RHOU: variants seen among roughly 807,000 people sequenced by gnomAD.
The protein encoded by RHOU is ras homolog family member U, also known as rho-related GTP-binding protein RhoU.
A neutral mutation model predicts 12.6 loss-of-function variants in RHOU; 8 were observed. The observed-to-expected ratio is 0.64, with a 90% CI of 0.37 to 1.15. The LOEUF (loss-of-function observed/expected upper bound fraction) is 1.15. Among genes scored for constraint, RHOU ranks in the 50% most tolerant of loss-of-function variants. RHOU has a pLI of 0.01. For synonymous variants in RHOU, 161 were observed against 147.4 expected (o/e 1.09, Z -0.67); for missense variants, 258 against 347.0 (o/e 0.74, Z 2.04).
chr1:228,712,576 C>T, the RHOU span, among the ~76,000 whole-genome samples: 82 of 147,142 alleles, frequency 5.6e-4, no homozygotes, highest in East Asian at 0.014. Flanking sequence ...AACCAAAAAC[C>T]GCATATTCTC....
At chr1:228,647,115 G>A in the RHOU span, among the ~76,000 whole-genome samples, 360 of 152,334 alleles carry the variant, frequency 2.4e-3, 3 homozygotes, top group Middle Eastern at 0.024. Flanking sequence ...CCCCTTTTGA[G>A]CAGTCCGGAA....
At chr1:228,675,094 GA>G in the RHOU span, among the ~76,000 whole-genome samples, 5 of 152,204 alleles carry the variant, frequency 3.3e-5, no homozygotes, top group Middle Eastern at 3.4e-3. Context: ...AGTTCACAAG[GA>G]TTGATATGCT....
the RHOU span, among the ~76,000 whole-genome samples, chr1:228,704,894 C>T: frequency 6.6e-6 from 1 of 151,792 alleles, no homozygotes; most frequent in African/African-American, 2.4e-5. Flanking sequence ...CCTTCACCTC[C>T]TGGGTTCGTG....
the RHOU span, chr1:228,650,717 C>T: frequency 2.1e-6 from 1 of 470,368 alleles, no homozygotes; most frequent in South Asian, 1.6e-5. Flanking sequence ...GCTAGTAGTG[C>T]TAAACATCAA....
At chr1:228,705,730 C>T in the RHOU span, among the ~76,000 whole-genome samples, 18 of 152,116 alleles carry the variant, frequency 1.2e-4, no homozygotes, top group African/African-American at 4.3e-4. Context: ...TCATGGCTTC[C>T]AAACCCAGTT....
At chr1:228,700,662 C>A in the RHOU span, among the ~76,000 whole-genome samples, 2 of 151,944 alleles carry the variant, frequency 1.3e-5, no homozygotes, top group African/African-American at 4.8e-5. Context: ...ATAAAATATA[C>A]CAAGACATGT....
the RHOU span, among the ~76,000 whole-genome samples, chr1:228,664,427 C>A: frequency 8.5e-5 from 13 of 152,220 alleles, no homozygotes; most frequent in African/African-American, 3.1e-4. Context: ...ATCAACAAAT[C>A]ATGTTTGTAC....
the RHOU span, among the ~76,000 whole-genome samples, chr1:228,678,030 G>A: frequency 3.9e-5 from 6 of 152,124 alleles, no homozygotes; most frequent in East Asian, 3.8e-4. Context: ...TTTCTGACTC[G>A]GGGCATGTGA....
intron 2 of RHOU, among the ~76,000 whole-genome samples, chr1:228,742,193 A>G (rs1309343070): frequency 6.6e-6 from 1 of 152,248 alleles, no homozygotes; most frequent in Non-Finnish European, 1.5e-5. Context: ...ATTTTTCTAC[A>G]AAAGAGTTGA....
At chr1:228,710,553 T>C in the RHOU span, among the ~76,000 whole-genome samples, 2 of 151,916 alleles carry the variant, frequency 1.3e-5, no homozygotes, top group African/African-American at 4.8e-5. Flanking sequence ...GAACCAAAGA[T>C]AAAAACCACA....
At chr1:228,683,805 G>A in the RHOU span, among the ~76,000 whole-genome samples, 1 of 152,202 alleles carries the variant, frequency 6.6e-6, no homozygotes, top group Non-Finnish European at 1.5e-5. Flanking sequence ...GGTGGGGGTG[G>A]GCAAGATGGA....
chr1:228,656,875 A>AAAAGATGGAGATTGGCAG, the RHOU span, among the ~76,000 whole-genome samples: 1 of 152,364 alleles, frequency 6.6e-6, no homozygotes, highest in East Asian at 1.9e-4. Context: ...CTCTTCAGTC[A>AAAAGATGGAGATTGGCAG]AAAGATGGAG....
chr1:228,647,441 GA>G, the RHOU span, among the ~76,000 whole-genome samples: 1 of 152,220 alleles, frequency 6.6e-6, no homozygotes, highest in South Asian at 2.1e-4. Flanking sequence ...GGGGCAATAG[GA>G]ATCCGGGTGC....
At chr1:228,682,803 G>A in the RHOU span, among the ~76,000 whole-genome samples, 3 of 152,258 alleles carry the variant, frequency 2.0e-5, no homozygotes, top group South Asian at 2.1e-4. Flanking sequence ...ATAAATATCA[G>A]TAAATTTACT....
chr1:228,732,205 G>A (rs116743514), upstream of RHOU, among the ~76,000 whole-genome samples: 4,517 of 152,136 alleles, frequency 0.03, 186 homozygotes, highest in African/African-American at 0.1. Flanking sequence ...CCTACTACTT[G>A]CCCCACGTGC....
At chr1:228,691,060 A>G in the RHOU span, among the ~76,000 whole-genome samples, 1 of 151,940 alleles carries the variant, frequency 6.6e-6, no homozygotes, top group Non-Finnish European at 1.5e-5. Context: ...AAGAAGCTAA[A>G]TTAACTGCGA....
At chr1:228,655,320 T>C in the RHOU span, among the ~76,000 whole-genome samples, 12 of 152,140 alleles carry the variant, frequency 7.9e-5, no homozygotes, top group Admixed American at 3.3e-4. Flanking sequence ...GCCAGGCTGG[T>C]CTTGAACTCC....
the RHOU span, among the ~76,000 whole-genome samples, chr1:228,724,338 T>C: frequency 1.3e-5 from 2 of 152,168 alleles, no homozygotes; most frequent in Admixed American, 1.3e-4. Context: ...TTTATTCAGG[T>C]ATAACTGATA....
the RHOU span, among the ~76,000 whole-genome samples, chr1:228,715,322 A>G: frequency 6.6e-6 from 1 of 152,024 alleles, no homozygotes; most frequent in Non-Finnish European, 1.5e-5. Context: ...TTTAATTATC[A>G]ATATGTTTTA....
Sources: gnomAD v4.1 joint callset for allele counts (sites outside exome capture counted in the v4.1 genomes callset) on GRCh38, gnomAD v4.1.1 for gene constraint, MANE v1.5 for transcripts, NCBI Gene and HGNC (gene_info 2026-07-23, HGNC 2026-07-21) for gene names.